Variants in NEDD9 observed in about 807,000 individuals in gnomAD.
NEDD9 encodes the protein enhancer of filamentation 1.
A neutral mutation model predicts 76.6 loss-of-function variants in NEDD9; 26 were observed. That is an observed-to-expected ratio of 0.34 (90% CI 0.25 to 0.47). NEDD9 has a LOEUF of 0.47. Ranked by LOEUF, NEDD9 falls within the 20% of genes least tolerant of loss-of-function variation. The pLI, the probability that NEDD9 is intolerant of heterozygous loss-of-function variation, is 1.00. For missense variants in NEDD9, 937 were observed against 1,058.5 expected (o/e 0.89, Z 1.59); for synonymous variants, 392 against 414.2 (o/e 0.95, Z 0.65).
At chr6:11,322,019 C>T (rs954645127) in intron 2 of NEDD9, among the ~76,000 whole-genome samples, 1 of 152,148 alleles carries the variant, frequency 6.6e-6, no homozygotes, top group Non-Finnish European at 1.5e-5. Context: ...AGTTCATGTC[C>T]TTTACAGGGA....
chr6:11,242,602 C>A (rs1759730679), intron 3 of NEDD9, among the ~76,000 whole-genome samples: 1 of 145,474 alleles, frequency 6.9e-6, no homozygotes, highest in Non-Finnish European at 1.5e-5. Context: ...AAAAAAAAAA[C>A]TGTCTTTCCT....
chr6:11,198,103 C>T lies in NEDD9; in HGVS notation c.460-4411G>A, dbSNP rs4711197. Among the ~76,000 whole-genome samples the T allele has an allele frequency of 0.016, 2,482 of 152,154 alleles. 82 individuals are homozygous for T. The highest frequency in any genetic ancestry group is 0.073 in the Admixed American group (1,121 of 15,284). On this transcript the variant is annotated intron_variant, in intron 2 of 6. Coordinates refer to ENST00000379446, the MANE Select transcript of NEDD9 (RefSeq NM_006403.4). The surrounding 1 kb of genome is among the most constrained non-coding windows in gnomAD (Gnocchi z 4.7). ...GCCGGGGAGACAGAACTCCTTCTAC[C>T]GAAAGAGGGAAGACATTGCGCCCTG...
intron 1 of NEDD9, among the ~76,000 whole-genome samples, chr6:11,371,647 A>C (rs1403944587): frequency 6.6e-6 from 1 of 152,212 alleles, no homozygotes; most frequent in Non-Finnish European, 1.5e-5. Context: ...TTTTAGAGCA[A>C]TGGGTTGAAG....
intron 3 of NEDD9, among the ~76,000 whole-genome samples, chr6:11,254,274 C>A (rs958656867): frequency 6.6e-6 from 1 of 152,030 alleles, no homozygotes; most frequent in East Asian, 1.9e-4. Context: ...GTGTGTGCCA[C>A]CATGCCCGGC....
intron 1 of NEDD9, among the ~76,000 whole-genome samples, chr6:11,223,597 A>G (rs910792205): frequency 2.6e-5 from 4 of 152,224 alleles, no homozygotes; most frequent in African/African-American, 9.6e-5. Flanking sequence ...CCCTTCAGCA[A>G]TGAACTAAGC....
At chr6:11,217,013 T>C (rs1347464409) in intron 1 of NEDD9, among the ~76,000 whole-genome samples, 1 of 152,232 alleles carries the variant, frequency 6.6e-6, no homozygotes, top group East Asian at 1.9e-4. Flanking sequence ...AGGGAACTTC[T>C]GAGACAACAT....
At chr6:11,349,718 A>T (rs946110475) in intron 1 of NEDD9, among the ~76,000 whole-genome samples, 2 of 152,218 alleles carry the variant, frequency 1.3e-5, no homozygotes, top group African/African-American at 4.8e-5. Flanking sequence ...GAGCTAAATA[A>T]TAAGAACACA....
intron 1 of NEDD9, among the ~76,000 whole-genome samples, chr6:11,378,415 G>A (rs941396694): frequency 1.3e-5 from 2 of 152,118 alleles, no homozygotes; most frequent in African/African-American, 4.8e-5. Context: ...GCAGAACCAT[G>A]AGCCAATTAA....
chr6:11,328,062 C>G (rs2113491103), intron 2 of NEDD9, among the ~76,000 whole-genome samples: 1 of 152,330 alleles, frequency 6.6e-6, no homozygotes, highest in Admixed American at 6.5e-5. Flanking sequence ...AAATAAAGAA[C>G]AGGCCTGCTG....
At chr6:11,208,546 C>T (rs1758677656) in intron 2 of NEDD9, among the ~76,000 whole-genome samples, 1 of 152,240 alleles carries the variant, frequency 6.6e-6, no homozygotes, top group African/African-American at 2.4e-5. Flanking sequence ...CACTTTGATT[C>T]TTGCTTCCAC....
intron 3 of NEDD9, chr6:11,258,714 C>A (rs182660155): frequency 2.6e-5 from 4 of 152,260 alleles, no homozygotes; most frequent in African/African-American, 9.6e-5. Flanking sequence ...AGGGTAATGT[C>A]CATTGGGTTG....
At chr6:11,216,860 T>G (rs759655830) in intron 1 of NEDD9, among the ~76,000 whole-genome samples, 1 of 152,226 alleles carries the variant, frequency 6.6e-6, no homozygotes, top group African/African-American at 2.4e-5. Flanking sequence ...CTATCTGATA[T>G]TTATCTTGCT....
rs762044086 is a variant in NEDD9 at position 11,192,461 on chromosome 6, G to A, written c.562-15C>T. 8.9e-6 allele frequency: 14 copies of A among 1,577,730 alleles called. No individual in the cohort carries two copies. Among genetic ancestry groups the A allele is most frequent in the Admixed American group, 3.4e-5 (2 of 58,778 alleles). ...ATGTCGTATACCTGAAGAGAAACCCGTGAGTTACCCAGAATGGAAATGTCT... is the reference window on the plus strand; with the variant it reads ...ATGTCGTATACCTGAAGAGAAACCCATGAGTTACCCAGAATGGAAATGTCT... On this transcript the variant is annotated splice_polypyrimidine_tract_variant and intron_variant, in intron 3 of 6. Coordinates refer to ENST00000379446, the MANE Select transcript of NEDD9 (RefSeq NM_006403.4).
chr6:11,323,551 C>A (rs73362891), intron 2 of NEDD9, among the ~76,000 whole-genome samples: 3,196 of 152,224 alleles, frequency 0.021, 124 homozygotes, highest in African/African-American at 0.073. Context: ...GGGGTTGCTA[C>A]TAGCATGCAG....
chr6:11,224,642 C>T (rs1270473204), intron 1 of NEDD9, among the ~76,000 whole-genome samples: 4 of 152,088 alleles, frequency 2.6e-5, no homozygotes, highest in Non-Finnish European at 4.4e-5. Context: ...AAAATCTCAT[C>T]GACAGATGAC....
At chr6:11,364,104 C>A (rs921301281) in intron 1 of NEDD9, among the ~76,000 whole-genome samples, 1 of 152,150 alleles carries the variant, frequency 6.6e-6, no homozygotes, top group Non-Finnish European at 1.5e-5. Context: ...ATGCTGAACA[C>A]CTGCTTTCCT....
At chr6:11,287,355 T>C (rs1454485540) in intron 3 of NEDD9, among the ~76,000 whole-genome samples, 1 of 151,940 alleles carries the variant, frequency 6.6e-6, no homozygotes, top group African/African-American at 2.4e-5. Flanking sequence ...TTGAACCTGG[T>C]AGGTGGAGGT....
At chr6:11,325,247 C>T (rs999079592) in intron 2 of NEDD9, among the ~76,000 whole-genome samples, 3 of 151,310 alleles carry the variant, frequency 2.0e-5, no homozygotes, top group African/African-American at 2.4e-5. Flanking sequence ...CCCAGCTACT[C>T]GGGAGGCTGA....
intron 1 of NEDD9, among the ~76,000 whole-genome samples, chr6:11,224,070 G>T (rs1759233785): frequency 6.6e-6 from 1 of 152,084 alleles, no homozygotes; most frequent in Non-Finnish European, 1.5e-5. Context: ...GTAAAACATG[G>T]ATACATACTC....
Sources: allele counts gnomAD v4.1 joint callset (sites outside exome capture counted in the v4.1 genomes callset), GRCh38; gene constraint gnomAD v4.1.1; non-coding constraint Gnocchi (gnomAD v3.1); transcripts MANE v1.5; gene names NCBI Gene and HGNC (gene_info 2026-07-23, HGNC 2026-07-21).